ANKRD13C: variants seen among roughly 807,000 people sequenced by gnomAD.
ANKRD13C encodes ankyrin repeat domain-containing protein 13C.
A neutral mutation model predicts 65.5 loss-of-function variants in ANKRD13C; 16 were observed. That is an observed-to-expected ratio of 0.24 (90% CI 0.17 to 0.37). The LOEUF is 0.37. Among genes scored for constraint, ANKRD13C ranks in the 10% least tolerant of loss-of-function variants. The pLI, the probability that ANKRD13C is intolerant of heterozygous loss-of-function variation, is 1.00. For synonymous variants in ANKRD13C, 235 were observed against 238.7 expected, an observed-to-expected ratio of 0.98 and a Z score of 0.14; for missense variants, 503 against 655.9, an observed-to-expected ratio of 0.77 and a Z score of 2.55.
intron 6 of ANKRD13C, among the ~76,000 whole-genome samples, chr1:70,302,017 C>T (rs1479588823): frequency 6.6e-6 from 1 of 152,154 alleles, no homozygotes; most frequent in East Asian, 1.9e-4. Flanking sequence ...TGTAAGAATT[C>T]ATTACTCTGT....
intron 8 of ANKRD13C, among the ~76,000 whole-genome samples, chr1:70,295,551 A>T (rs1449592708): frequency 6.6e-6 from 1 of 152,002 alleles, no homozygotes; most frequent in African/African-American, 2.4e-5. Context: ...TAGCCTCAAA[A>T]TTTTCCGAAT....
At chr1:70,321,661 G>A (rs373613695) in intron 3 of ANKRD13C, among the ~76,000 whole-genome samples, 2 of 152,078 alleles carry the variant, frequency 1.3e-5, no homozygotes, top group South Asian at 4.1e-4. Flanking sequence ...GATAAATTGT[G>A]GGAAAAAAAG....
At position 70,288,773 on chromosome 1, in the gene ANKRD13C, A is replaced by G. The variant is rs1002624216; in HGVS notation, c.1215+3615T>C. 3.3e-5 allele frequency among the ~76,000 whole-genome samples: 5 copies of G among 152,328 alleles called. No individual in the cohort carries two copies. In the East Asian group the frequency reaches 7.7e-4, roughly 24 times the overall value. On this transcript the variant is annotated intron_variant, in intron 9 of 12. Transcript: ENST00000370944. ...AGGGGGCAGCAAATGTGCCTATAAA[A>G]GAGGTACATGAGGGATCGTATGGTG...
In ANKRD13C at chr1:70,259,793, A is replaced by T. The variant is rs143009859; in HGVS notation, c.*2924T>A. Reference sequence around the variant, plus strand: ...AATATGGGTAATATCAATGAGCAGAAGGAAGCACCTTTAATTCAGCAGTTA... The same window carrying T: ...AATATGGGTAATATCAATGAGCAGATGGAAGCACCTTTAATTCAGCAGTTA... On this transcript the variant is annotated 3_prime_UTR_variant, in exon 13 of 13. Transcript: ENST00000370944. Among the ~76,000 whole-genome samples, 301 of 152,312 alleles carry T rather than the reference A, an allele frequency of 2.0e-3. 2 individuals carry two copies. The highest frequency in any genetic ancestry group is 0.019 in the East Asian group (100 of 5,186).
In ANKRD13C at chr1:70,262,857, G is replaced by A. The variant is rs1678442738; in HGVS notation, c.1496-10C>T. 6.3e-7 allele frequency: 1 copy of A among 1,583,280 alleles called. No individual in the cohort carries two copies. The stretch of plus-strand genomic sequence containing the variant: ...GGAAACACAGGTATATCTACAGAGA[G>A]AACATCAATGATAGCATTGTAAAAT... On this transcript the variant is annotated splice_polypyrimidine_tract_variant and intron_variant, in intron 12 of 12. Transcript: ENST00000370944.
chr1:70,334,505 C>T (rs773989702), intron 2 of ANKRD13C, among the ~76,000 whole-genome samples: 5 of 152,042 alleles, frequency 3.3e-5, no homozygotes, highest in Non-Finnish European at 7.4e-5. Context: ...CATGTGTCTA[C>T]AGTCCCAGCC....
intron 11 of ANKRD13C, among the ~76,000 whole-genome samples, chr1:70,273,835 T>C (rs1397476869): frequency 6.6e-6 from 1 of 152,014 alleles, no homozygotes; most frequent in African/African-American, 2.4e-5. Flanking sequence ...TTTGTATTTT[T>C]AGTAGAGATA....
In ANKRD13C at chr1:70,261,133, A is replaced by C. The variant is rs1243370354; in HGVS notation, c.*1584T>G. 1 of 152,132 alleles carries C rather than the reference A, an allele frequency of 6.6e-6. No homozygotes were observed. Among genetic ancestry groups the C allele is most frequent in the Non-Finnish European group, 1.5e-5 (1 of 67,968 alleles). 9.4% of individuals were successfully genotyped at this position (152,132 alleles called of 1,614,324 possible). ...CCCCCAAAATTCAATAGGTCCATGT[A>C]ACGTAGTAATTAGGTCTTTCAATTT... is the stretch of plus-strand genomic sequence containing the variant. On this transcript the variant is annotated 3_prime_UTR_variant, in exon 13 of 13. Coordinates refer to ENST00000370944, the MANE Select transcript of ANKRD13C (RefSeq NM_030816.5).
At chr1:70,353,953 G>A (rs1472409850) in intron 1 of ANKRD13C, 26 bp downstream of exon 1, 3 of 1,496,056 alleles carry the variant, frequency 2.0e-6, no homozygotes, top group Admixed American at 2.4e-5. Flanking sequence ...GAAGGAGAGA[G>A]GTGGAGAGGG....
intron 8 of ANKRD13C, among the ~76,000 whole-genome samples, chr1:70,294,921 C>A (rs1053774606): frequency 3.3e-5 from 5 of 152,152 alleles, no homozygotes; most frequent in African/African-American, 1.2e-4. Flanking sequence ...CTCTACATTT[C>A]AGATTTGCCA....
chr1:70,296,922 C>A (rs1275266723), intron 7 of ANKRD13C, among the ~76,000 whole-genome samples: 2 of 152,160 alleles, frequency 1.3e-5, no homozygotes, highest in African/African-American at 4.8e-5. Flanking sequence ...TTATCCTGTA[C>A]ATATTCCCTA....
chr1:70,327,958 C>T (rs969750711), intron 2 of ANKRD13C, among the ~76,000 whole-genome samples: 69 of 151,940 alleles, frequency 4.5e-4, no homozygotes, highest in Middle Eastern at 3.4e-3. Context: ...CCAGCTACTA[C>T]GGAGGCTGAG....
chr1:70,300,719 T>A (rs778270478), intron 7 of ANKRD13C, 45 bp downstream of exon 7: 6 of 1,489,084 alleles, frequency 4.0e-6, no homozygotes, highest in Non-Finnish European at 5.4e-6. Context: ...ACCTATACTT[T>A]TTTTTTAATG....
intron 3 of ANKRD13C, among the ~76,000 whole-genome samples, chr1:70,316,851 TA>T (rs751594021): frequency 1.6e-4 from 24 of 151,970 alleles, no homozygotes; most frequent in Non-Finnish European, 3.4e-4. Context: ...TCGGGGAAAA[TA>T]TATACATATA....
intron 8 of ANKRD13C, among the ~76,000 whole-genome samples, chr1:70,295,433 A>C (rs146563906): frequency 9.2e-4 from 140 of 152,058 alleles, no homozygotes; most frequent in South Asian, 2.1e-3. Flanking sequence ...TTTTTAGTAG[A>C]GACAGGTTTT....
In ANKRD13C at chr1:70,259,191, G is replaced by A. The variant is rs1480964753; in HGVS notation, c.*3526C>T. Among the ~76,000 whole-genome samples, 6 of 152,092 alleles carry A rather than the reference G, an allele frequency of 3.9e-5. No individual in the cohort carries two copies. Among genetic ancestry groups the A allele is most frequent in the Non-Finnish European group, 8.8e-5 (6 of 68,010 alleles). ...TCCCAATTACTGTCATCCTTCTTTA[G>A]TCATCAAGAACTCTATGTATGGGAG... On this transcript the variant is annotated 3_prime_UTR_variant, in exon 13 of 13. Transcript: ENST00000370944.
At chr1:70,304,667 G>A (rs1003561803) in intron 6 of ANKRD13C, among the ~76,000 whole-genome samples, 2 of 152,118 alleles carry the variant, frequency 1.3e-5, no homozygotes, top group Non-Finnish European at 2.9e-5. Context: ...CCAAAGTGCT[G>A]GGATTACAGG....
chr1:70,321,034 C>T (rs1490769910), intron 3 of ANKRD13C, among the ~76,000 whole-genome samples: 1 of 152,072 alleles, frequency 6.6e-6, no homozygotes, highest in African/African-American at 2.4e-5. Flanking sequence ...CCTCCCAAAG[C>T]GCTGGGGTTA....
chr1:70,325,974 G>A (rs1681519734), intron 2 of ANKRD13C, among the ~76,000 whole-genome samples: 1 of 152,092 alleles, frequency 6.6e-6, no homozygotes, highest in Admixed American at 6.5e-5. Context: ...GCTCATGCCT[G>A]TAATCCCAAC....
Sources: allele counts gnomAD v4.1 joint callset (sites outside exome capture counted in the v4.1 genomes callset), GRCh38; gene constraint gnomAD v4.1.1; transcripts MANE v1.5; gene names NCBI Gene and HGNC (gene_info 2026-07-23, HGNC 2026-07-21).